The following COG3 variants were observed in gnomAD, a reference collection of about 807,000 sequenced individuals.
COG3 encodes conserved oligomeric Golgi complex subunit 3.
In COG3, 32 loss-of-function variants were observed where a neutral mutation model predicts 114.1. The ratio of observed to expected loss-of-function variants is 0.28; its 90% confidence interval spans 0.21 to 0.38. The LOEUF is 0.38. COG3 is among the 10% of genes least tolerant of loss of function. The probability of loss-of-function intolerance (pLI) is 1.00; values close to 1 mark genes in which losing one functional copy is unlikely to be tolerated. For missense variants in COG3, 813 were observed against 973.2 expected (o/e 0.84, Z 2.19); for synonymous variants, 352 against 365.7 (o/e 0.96, Z 0.43).
At chr13:45,506,417 A>C (rs1870152781) in intron 14 of COG3, among the ~76,000 whole-genome samples, 1 of 152,154 alleles carries the variant, frequency 6.6e-6, no homozygotes, top group Non-Finnish European at 1.5e-5. Context: ...TAGTTTGCGT[A>C]AACAGGTGAG....
At chr13:45,478,686 ACCATGTTGG>A (rs1402307467) in intron 2 of COG3, among the ~76,000 whole-genome samples, 1 of 151,254 alleles carries the variant, frequency 6.6e-6, no homozygotes, top group African/African-American at 2.4e-5. Context: ...ACGGGGTTTT[ACCATGTTGG>A]CCAGGCTGGT....
rs1405510487 is a variant in COG3, at chr13:45,534,927, A to G, written c.*196A>G. ...CAGTGTTTTCTTTTCTAAAACATCAAAATGCCAAAGATTAATCTGTGATTG... is the reference window on the plus strand; with the variant it reads ...CAGTGTTTTCTTTTCTAAAACATCAGAATGCCAAAGATTAATCTGTGATTG... On this transcript the variant is annotated 3_prime_UTR_variant, in exon 23 of 23. Coordinates refer to ENST00000349995, the MANE Select transcript of COG3 (RefSeq NM_031431.4). 2 of 1,258,920 alleles carry G rather than the reference A, an allele frequency of 1.6e-6. No individual in the cohort carries two copies. Among genetic ancestry groups the G allele is most frequent in the Middle Eastern group, 3.0e-4 (1 of 3,336 alleles). The allele number at this position is 1,258,920 out of a possible 1,614,324, so 78.0% of individuals were successfully genotyped here. A position where few individuals can be genotyped will look rare whatever the true frequency, so the allele number is the denominator to read the frequency against.
At chr13:45,471,576 C>T (rs896675868) in intron 1 of COG3, among the ~76,000 whole-genome samples, 2 of 152,126 alleles carry the variant, frequency 1.3e-5, no homozygotes, top group African/African-American at 4.8e-5. Flanking sequence ...AAAAGAAAAA[C>T]TGTCATATTT....
At position 45,534,806 on chromosome 13, in the gene COG3, A is replaced by G. The variant is rs1873447944; in HGVS notation, c.*75A>G. On this transcript the variant is annotated 3_prime_UTR_variant, in exon 23 of 23. Transcript: ENST00000349995. ...TGAGAAGTCTTGCAGTCTGCAGGACACCGAGGAATCGTATGTGGGAACGTC... is the reference window on the plus strand; with the variant it reads ...TGAGAAGTCTTGCAGTCTGCAGGACGCCGAGGAATCGTATGTGGGAACGTC... The G allele has an allele frequency of 1.3e-6, 2 of 1,493,334 alleles. No homozygotes were observed. The highest frequency in any genetic ancestry group is 2.5e-5 in the Admixed American group (1 of 40,470). 92.5% of individuals were successfully genotyped at this position (1,493,334 alleles called of 1,614,324 possible).
chr13:45,522,888 G>A (rs17066850), intron 19 of COG3, among the ~76,000 whole-genome samples: 3,573 of 152,288 alleles, frequency 0.023, 119 homozygotes, highest in African/African-American at 0.075. Flanking sequence ...GATGGTAGTG[G>A]TTATAGTAGA....
intron 14 of COG3, among the ~76,000 whole-genome samples, chr13:45,506,832 A>G (rs187120289): frequency 8.3e-4 from 127 of 152,330 alleles, no homozygotes; most frequent in African/African-American, 2.9e-3. Context: ...AGGGCTTTAA[A>G]TGATGTGAAG....
rs768914260 is a variant in COG3 at position 45,465,001 on chromosome 13, A to C, written c.-36A>C. On this transcript the variant is annotated 5_prime_UTR_variant, in exon 1 of 23. Coordinates refer to ENST00000349995, the MANE Select transcript of COG3 (RefSeq NM_031431.4). ...AGGTCTCTCTGTCGGGGTCCCCTCC[A>C]TCTCGCTGCTGCTGAAGGCCGCGAG... The C allele has an allele frequency of 6.5e-7, 1 of 1,542,504 alleles. No homozygotes were observed. The highest frequency in any genetic ancestry group is 2.0e-5 in the Admixed American group (1 of 50,782).
At chr13:45,512,084 A>T in intron 16 of COG3, 1 of 450,816 alleles carries the variant, frequency 2.2e-6, no homozygotes, top group East Asian at 3.8e-5. Context: ...TACTTAGGTT[A>T]CACATTCTAT....
chr13:45,517,943 A>G (rs192923935), intron 17 of COG3, among the ~76,000 whole-genome samples: 132 of 152,308 alleles, frequency 8.7e-4, no homozygotes, highest in Non-Finnish European at 1.4e-3. Context: ...ACTCTACCAT[A>G]TGATGATTTG....
intron 19 of COG3, among the ~76,000 whole-genome samples, chr13:45,520,256 C>A: frequency 6.7e-6 from 1 of 150,104 alleles, no homozygotes; most frequent in Non-Finnish European, 1.5e-5. Context: ...CTACTGCAGT[C>A]CAGCCTGGGT....
chr13:45,489,934 A>G (rs1220692980), intron 8 of COG3, among the ~76,000 whole-genome samples: 3 of 152,190 alleles, frequency 2.0e-5, no homozygotes, highest in African/African-American at 7.2e-5. Flanking sequence ...ACAGATTGGA[A>G]TGGAAAGTTG....
intron 14 of COG3, among the ~76,000 whole-genome samples, chr13:45,509,197 G>A (rs1480687391): frequency 1.3e-5 from 2 of 151,954 alleles, no homozygotes; most frequent in Non-Finnish European, 2.9e-5. Context: ...ACGCCACCAC[G>A]CCTGACTAAT....
intron 3 of COG3, among the ~76,000 whole-genome samples, chr13:45,479,313 A>G (rs1886104926): frequency 6.6e-6 from 1 of 152,222 alleles, no homozygotes. Flanking sequence ...TAGTTTTTAG[A>G]TAGCTCCAGA....
chr13:45,534,143 C>G (rs1873396655), intron 22 of COG3, among the ~76,000 whole-genome samples: 1 of 152,222 alleles, frequency 6.6e-6, no homozygotes, highest in Non-Finnish European at 1.5e-5. Context: ...AGTTGAAATT[C>G]ACTTGTCATG....
At chr13:45,517,177 A>G (rs1871623813) in intron 17 of COG3, among the ~76,000 whole-genome samples, 1 of 152,176 alleles carries the variant, frequency 6.6e-6, no homozygotes, top group Non-Finnish European at 1.5e-5. Context: ...TAAGCCATTC[A>G]TTTATGTGAT....
Position 45,496,110 on chromosome 13 carries a change from T to C in COG3, c.1328-42T>C, listed in dbSNP as rs535252437. 7.5e-5 allele frequency: 118 copies of C among 1,565,808 alleles called. 2 individuals are homozygous for C. The South Asian group carries it at 1.3e-3, about 18-fold the overall frequency. ...CTTTGCTTGTTTAAAAGAAAGTGTTTTTCTAAATCTAAAAGAATGGATGAT... is the reference window on the plus strand; with the variant it reads ...CTTTGCTTGTTTAAAAGAAAGTGTTCTTCTAAATCTAAAAGAATGGATGAT... On this transcript the variant is annotated intron_variant, in intron 12 of 22. Coordinates refer to ENST00000349995, the MANE Select transcript of COG3 (RefSeq NM_031431.4).
At chr13:45,491,093 G>C in intron 9 of COG3, 135 bp downstream of exon 9, 1 of 641,526 alleles carries the variant, frequency 1.6e-6, no homozygotes, top group South Asian at 2.2e-5. Context: ...TTATTTTGGG[G>C]AGCAAGGTCA....
At chr13:45,489,479 T>TAGAAA (rs1886892773) in intron 8 of COG3, among the ~76,000 whole-genome samples, 1 of 152,020 alleles carries the variant, frequency 6.6e-6, no homozygotes, top group African/African-American at 2.4e-5. Flanking sequence ...AAAATTTGAT[T>TAGAAA]AGAAAAGAAA....
intron 7 of COG3, among the ~76,000 whole-genome samples, chr13:45,485,230 G>A (rs1485530373): frequency 8.8e-6 from 1 of 113,826 alleles, no homozygotes; most frequent in African/African-American, 4.0e-5. Context: ...GGGCAGGGGG[G>A]CTGACCCCCC....
Sources: gnomAD v4.1 joint callset for allele counts (sites outside exome capture counted in the v4.1 genomes callset) on GRCh38, gnomAD v4.1.1 for gene constraint, MANE v1.5 for transcripts, NCBI Gene and HGNC (gene_info 2026-07-23, HGNC 2026-07-21) for gene names.